ADGRF5: variants seen among roughly 807,000 people sequenced by gnomAD.
ADGRF5 encodes G-protein coupled receptor 116.
Under a neutral mutation model 132.3 loss-of-function variants are expected in ADGRF5, and 75 were observed. The observed-to-expected ratio is 0.57, with a 90% confidence interval of 0.47 to 0.69. The LOEUF (loss-of-function observed/expected upper bound fraction) is 0.69, where lower values mean the gene tolerates loss of function less well. Ranked by LOEUF, ADGRF5 falls within the 30% of genes least tolerant of loss-of-function variation. ADGRF5 has a pLI of 0.00. For missense variants in ADGRF5, 1,516 were observed against 1,630.6 expected (o/e 0.93, Z 1.21); for synonymous variants, 629 against 597.6 (o/e 1.05, Z -0.77).
At chr6:46,879,242 T>C (rs1386721180) in intron 9 of ADGRF5, among the ~76,000 whole-genome samples, 1 of 151,506 alleles carries the variant, frequency 6.6e-6, no homozygotes, top group Admixed American at 6.6e-5. Flanking sequence ...ATAAAACAAA[T>C]AATGAAAATA....
At chr6:46,942,437 CT>C (rs1266489905) in intron 1 of ADGRF5, among the ~76,000 whole-genome samples, 2 of 152,296 alleles carry the variant, frequency 1.3e-5, no homozygotes, top group East Asian at 3.9e-4. Flanking sequence ...GCATGAGGCT[CT>C]TGGGTTGAAG....
chr6:46,867,117 T>C lies in ADGRF5; in HGVS notation c.1642A>G (p.Arg548Gly). 1 of 1,607,284 alleles carries C rather than the reference T, an allele frequency of 6.2e-7. No homozygotes were observed. Among genetic ancestry groups the C allele is most frequent in the Non-Finnish European group, 8.5e-7 (1 of 1,173,932 alleles). Residue 548 changes from arginine (R) to glycine (G), a missense_variant, in exon 13 of 21, where the codon AGA (arginine) becomes GGA (glycine). Physicochemically the swap from Arg to Gly is moderately radical, Grantham distance 125. Coordinates refer to ENST00000283296, the MANE Select transcript of ADGRF5 (RefSeq NM_001098518.2). ...EWNGTYHCIFRYKNSYSIATK... is the reference protein window; with the variant it reads ...EWNGTYHCIFGYKNSYSIATK... ...GCAATACTGTATGAATTCTTATATC[T>C]AAATATGCAGTGATAGGTTCCTGAG...
At position 46,862,998 on chromosome 6, in the gene ADGRF5, C is replaced by A; in HGVS notation, c.2089G>T (p.Glu697Ter). The change falls in exon 15 of 21, where the codon GAG becomes TAG. Residue 697 changes from glutamate (E) to a stop codon, truncating the protein, a stop_gained. Coordinates refer to ENST00000283296, the MANE Select transcript of ADGRF5 (RefSeq NM_001098518.2). LOFTEE classifies it high-confidence loss of function. ...GTGATGGTCCCGCCAATGGGACTCTCAGGGCTGCTGGGAACGTTTGAGAAC... is the reference window on the plus strand; with the variant it reads ...GTGATGGTCCCGCCAATGGGACTCTAAGGGCTGCTGGGAACGTTTGAGAAC... Reference protein sequence around the residue: ...CRFSNVPSSPESPIGGTITYK... With the variant: ...CRFSNVPSSP 6.2e-7 allele frequency: 1 copy of A among 1,613,902 alleles called. No homozygotes were observed. The highest frequency in any genetic ancestry group is 1.6e-4 in the Middle Eastern group (1 of 6,062).
At chr6:46,947,437 C>T (rs1386183153) in intron 1 of ADGRF5, among the ~76,000 whole-genome samples, 3 of 152,236 alleles carry the variant, frequency 2.0e-5, no homozygotes, top group Non-Finnish European at 2.9e-5. Flanking sequence ...AACATATGCA[C>T]ACTCATGCAC....
chr6:46,877,846 T>A (rs2150828989), intron 10 of ADGRF5, among the ~76,000 whole-genome samples: 1 of 152,262 alleles, frequency 6.6e-6, no homozygotes, highest in Admixed American at 6.5e-5. Context: ...CAATGACAAA[T>A]GACCTCATCC....
At chr6:46,921,438 G>A (rs1776934533) in intron 1 of ADGRF5, among the ~76,000 whole-genome samples, 1 of 145,976 alleles carries the variant, frequency 6.9e-6, no homozygotes, top group Non-Finnish European at 1.5e-5. Context: ...AAAAAAAAAA[G>A]TCTGTTATTA....
chr6:46,869,195 A>G (rs75249218), intron 11 of ADGRF5, 103 bp from the exon 12 acceptor site: 8 of 1,405,780 alleles, frequency 5.7e-6, no homozygotes, highest in Non-Finnish European at 7.6e-6. Flanking sequence ...AGAGGGACAG[A>G]AAAAAAAAAT....
In ADGRF5 at chr6:46,921,863, G is replaced by T. The variant is rs547475717; in HGVS notation, c.-175C>A. Reference sequence around the variant, plus strand: ...GAGAACCAAGCAAGACTCATTTCGCGTTTTCAGGCAGGACTGGCAGCACCG... The same window carrying T: ...GAGAACCAAGCAAGACTCATTTCGCTTTTTCAGGCAGGACTGGCAGCACCG... On this transcript the variant is annotated 5_prime_UTR_variant, in exon 1 of 21. Coordinates refer to ENST00000283296, the MANE Select transcript of ADGRF5 (RefSeq NM_001098518.2). 13 of 152,474 alleles carry T rather than the reference G, an allele frequency of 8.5e-5. No individual in the cohort carries two copies. Among genetic ancestry groups the T allele is most frequent in the African/African-American group, 2.9e-4 (12 of 41,570 alleles). The allele number at this position is 152,474 out of a possible 1,614,324, so 9.4% of individuals were successfully genotyped here.
At chr6:46,943,573 T>A (rs1778180619) in intron 1 of ADGRF5, among the ~76,000 whole-genome samples, 1 of 152,208 alleles carries the variant, frequency 6.6e-6, no homozygotes, top group Non-Finnish European at 1.5e-5. Context: ...GAGTGTTTTT[T>A]AACAAGCTTT....
chr6:46,933,585 G>T (rs1777668757), intron 1 of ADGRF5, among the ~76,000 whole-genome samples: 1 of 152,192 alleles, frequency 6.6e-6, no homozygotes, highest in Non-Finnish European at 1.5e-5. Flanking sequence ...CTGCTTTCTA[G>T]CCTGAGCTTT....
At chr6:46,895,390 C>G (rs148714434) in intron 3 of ADGRF5, among the ~76,000 whole-genome samples, 120 of 151,898 alleles carry the variant, frequency 7.9e-4, no homozygotes, top group African/African-American at 2.8e-3. Flanking sequence ...GCTCAGAGCA[C>G]TCAGGGCTAC....
At chr6:46,871,206 T>C (rs979694172) in intron 11 of ADGRF5, among the ~76,000 whole-genome samples, 4 of 152,190 alleles carry the variant, frequency 2.6e-5, no homozygotes, top group African/African-American at 7.2e-5. Context: ...CAAGTTTGAA[T>C]GTCCTCTTTT....
intron 1 of ADGRF5, among the ~76,000 whole-genome samples, chr6:46,920,528 G>GGC (rs1554212981): frequency 7.6e-6 from 1 of 132,426 alleles, no homozygotes; most frequent in Non-Finnish European, 1.6e-5. Flanking sequence ...ATAATATTTG[G>GGC]GGGGGGGGAA....
chr6:46,856,186 G>A (rs1329331327), intron 19 of ADGRF5, 128 bp from the exon 20 acceptor site: 1 of 615,672 alleles, frequency 1.6e-6, no homozygotes, highest in Non-Finnish European at 3.0e-6. Context: ...CACTCCCAGA[G>A]GTCACATTAA....
intron 1 of ADGRF5, among the ~76,000 whole-genome samples, chr6:46,918,392 T>C (rs1323319737): frequency 6.6e-6 from 1 of 152,178 alleles, no homozygotes; most frequent in Non-Finnish European, 1.5e-5. Flanking sequence ...GGGAAAAGGC[T>C]GTAGGGAAAC....
At chr6:46,937,730 G>A (rs886410020) in intron 1 of ADGRF5, among the ~76,000 whole-genome samples, 9 of 152,058 alleles carry the variant, frequency 5.9e-5, no homozygotes, top group Non-Finnish European at 1.2e-4. Flanking sequence ...GCTTTGGGGC[G>A]ATTATTAAGT....
At chr6:46,867,987 T>C (rs1054674189) in intron 12 of ADGRF5, among the ~76,000 whole-genome samples, 8 of 152,194 alleles carry the variant, frequency 5.3e-5, no homozygotes, top group African/African-American at 1.9e-4. Flanking sequence ...GAGGTCAGCC[T>C]GGAAGAAAAA....
At chr6:46,903,172 G>T (rs1451881189) in intron 2 of ADGRF5, among the ~76,000 whole-genome samples, 1 of 152,154 alleles carries the variant, frequency 6.6e-6, no homozygotes, top group Non-Finnish European at 1.5e-5. Context: ...TCCAGCACTT[G>T]CCTTTCCTCT....
At chr6:46,921,482 A>T (rs16875238) in intron 1 of ADGRF5, among the ~76,000 whole-genome samples, 21,500 of 152,134 alleles carry the variant, frequency 0.14, 1,698 homozygotes, top group Admixed American at 0.22. Flanking sequence ...TAGTTGCTTG[A>T]TACGCCATCT....
Sources: gnomAD v4.1 joint callset for allele counts (sites outside exome capture counted in the v4.1 genomes callset) on GRCh38, gnomAD v4.1.1 for gene constraint, MANE v1.5 for transcripts, NCBI Gene and HGNC (gene_info 2026-07-23, HGNC 2026-07-21) for gene names.